The following RAP1GDS1 variants were observed in gnomAD, a reference collection of about 807,000 sequenced individuals.
RAP1GDS1 encodes the protein Rap1 GTPase-GDP dissociation stimulator 1, also known as RAP1, GTP-GDP dissociation stimulator 1.
In RAP1GDS1, 35 loss-of-function variants were observed where a neutral mutation model predicts 71.1. The ratio of observed to expected loss-of-function variants is 0.49; its 90% confidence interval spans 0.38 to 0.65. The LOEUF is 0.65. Among genes scored for constraint, RAP1GDS1 ranks in the 30% least tolerant of loss-of-function variants. The pLI is 0.00. For synonymous variants in RAP1GDS1, 229 were observed against 243.1 expected (o/e 0.94, Z 0.54); for missense variants, 663 against 706.1 (o/e 0.94, Z 0.69).
intron 12 of RAP1GDS1, among the ~76,000 whole-genome samples, chr4:98,429,858 A>G (rs569342442): frequency 6.6e-6 from 1 of 152,108 alleles, no homozygotes; most frequent in Admixed American, 6.6e-5. Context: ...TGTAGTAGTA[A>G]GGCTCGTGGA....
intron 3 of RAP1GDS1, among the ~76,000 whole-genome samples, chr4:98,348,297 A>T (rs1168165763): frequency 6.6e-6 from 1 of 152,100 alleles, no homozygotes; most frequent in Non-Finnish European, 1.5e-5. Flanking sequence ...ACATGAACTC[A>T]TTCGTTTTTT....
rs777696973 is a variant in RAP1GDS1 at position 98,418,732 on chromosome 4, A to G, written c.1115A>G (p.Asp372Gly). Residue 372 changes from aspartate to glycine, a missense_variant, in exon 10 of 15, where the codon GAT becomes GGT. Coordinates refer to ENST00000408927, the MANE Select transcript of RAP1GDS1 (RefSeq NM_001100427.2). ...GATTTACTGGACAGACATGTAGAAG[A>G]TGGAAATGTAACAGTACAGCATGCA... is the stretch of plus-strand genomic sequence containing the variant. The part of the protein sequence containing the change: ...LMDLLDRHVE[D>G]GNVTVQHAAL... 6.9e-5 allele frequency: 112 copies of G among 1,613,002 alleles called. No homozygotes were observed. The highest frequency in any genetic ancestry group is 9.5e-5 in the Non-Finnish European group (112 of 1,179,592).
intron 2 of RAP1GDS1, among the ~76,000 whole-genome samples, chr4:98,319,751 A>T (rs538104816): frequency 8.1e-5 from 12 of 147,916 alleles, no homozygotes; most frequent in Admixed American, 2.1e-4. Context: ...ACTGCCCTCC[A>T]GCCTGGGCAA....
chr4:98,276,484 CT>C (rs755154216), intron 1 of RAP1GDS1, among the ~76,000 whole-genome samples: 2,061 of 141,524 alleles, frequency 0.015, 24 homozygotes, highest in African/African-American at 0.042. Context: ...TTTACATACC[CT>C]TTTTTTTTTT....
At chr4:98,341,393 T>C (rs1048385605) in intron 2 of RAP1GDS1, among the ~76,000 whole-genome samples, 1 of 152,264 alleles carries the variant, frequency 6.6e-6, no homozygotes, top group Non-Finnish European at 1.5e-5. Context: ...AGCATTGTTT[T>C]GTTTTGTTTT....
At chr4:98,319,830 C>G (rs1302334268) in intron 2 of RAP1GDS1, among the ~76,000 whole-genome samples, 1 of 151,046 alleles carries the variant, frequency 6.6e-6, no homozygotes, top group Non-Finnish European at 1.5e-5. Context: ...CTACACAGGT[C>G]CTCTTATAAG....
At chr4:98,365,500 A>G (rs1168363962) in intron 4 of RAP1GDS1, among the ~76,000 whole-genome samples, 3 of 151,572 alleles carry the variant, frequency 2.0e-5, no homozygotes, top group African/African-American at 7.3e-5. Context: ...GCATGCACCT[A>G]TAGACCCTGC....
rs557195300 is a variant in RAP1GDS1, at chr4:98,382,910, C to T, written c.508+3747C>T. Among the ~76,000 whole-genome samples the T allele has an allele frequency of 2.0e-5, 3 of 151,706 alleles. No individual in the cohort carries two copies. In the South Asian group the frequency reaches 6.2e-4, roughly 31 times the overall value. On this transcript the variant is annotated intron_variant, in intron 5 of 14. Transcript: ENST00000408927. ...GATACATGGTGGCAGCAGTAAGGGG[C>T]ATTGAAAACACACTGGTAGTAACAA...
chr4:98,287,746 T>C (rs909281986), intron 1 of RAP1GDS1, among the ~76,000 whole-genome samples: 1 of 152,140 alleles, frequency 6.6e-6, no homozygotes, highest in Non-Finnish European at 1.5e-5. Flanking sequence ...CTTTGAAATA[T>C]TGCACACATG....
chr4:98,440,991 C>A (rs904282587), intron 14 of RAP1GDS1, among the ~76,000 whole-genome samples: 10 of 152,176 alleles, frequency 6.6e-5, no homozygotes, highest in African/African-American at 1.9e-4. Flanking sequence ...CCACGCCTGG[C>A]CCAAGTTGTA....
chr4:98,339,022 T>C (rs934127689), intron 2 of RAP1GDS1, among the ~76,000 whole-genome samples: 3 of 152,218 alleles, frequency 2.0e-5, no homozygotes, highest in Non-Finnish European at 4.4e-5. Context: ...ACTCCCTCCT[T>C]TGTAATACTT....
chr4:98,434,745 T>G lies in RAP1GDS1; in HGVS notation c.1567+683T>G, dbSNP rs149311086. 9.0e-3 allele frequency among the ~76,000 whole-genome samples: 1,370 copies of G among 151,730 alleles called. 10 individuals are homozygous for G. Among genetic ancestry groups the G allele is most frequent in the Non-Finnish European group, 0.014 (961 of 67,910 alleles). ...AAGCAATTCTCGTGCCTCAGCCTCC[T>G]GAGTAGCTGGGATTACAGGTGCATG... On this transcript the variant is annotated intron_variant, in intron 13 of 14. Transcript: ENST00000408927.
chr4:98,341,795 G>A (rs1174939114), intron 2 of RAP1GDS1, among the ~76,000 whole-genome samples: 1 of 152,050 alleles, frequency 6.6e-6, no homozygotes, highest in Non-Finnish European at 1.5e-5. Context: ...ATAAACTGGA[G>A]TGTTATCATT....
At chr4:98,388,741 T>A (rs1285944689) in intron 5 of RAP1GDS1, among the ~76,000 whole-genome samples, 2 of 152,098 alleles carry the variant, frequency 1.3e-5, no homozygotes, top group African/African-American at 2.4e-5. Context: ...TTTTTTTTTT[T>A]AAAATTAGGT....
intron 1 of RAP1GDS1, among the ~76,000 whole-genome samples, chr4:98,286,900 A>G (rs1386858987): frequency 2.0e-5 from 3 of 151,622 alleles, no homozygotes; most frequent in African/African-American, 7.2e-5. Context: ...AAAAAAAAAA[A>G]AAAAAAAAAA....
chr4:98,441,023 C>T (rs1417795429), intron 14 of RAP1GDS1, among the ~76,000 whole-genome samples: 1 of 152,234 alleles, frequency 6.6e-6, no homozygotes, highest in Admixed American at 6.5e-5. Flanking sequence ...CAGTACCCCA[C>T]TATCTTGATT....
At chr4:98,352,712 C>A (rs1737394410) in intron 4 of RAP1GDS1, 111 bp downstream of exon 4, 2 of 1,187,854 alleles carry the variant, frequency 1.7e-6, no homozygotes, top group Non-Finnish European at 2.4e-6. Flanking sequence ...CTAACATGGG[C>A]CGGCATGATT....
chr4:98,276,540 G>A, intron 1 of RAP1GDS1, among the ~76,000 whole-genome samples: 1 of 150,876 alleles, frequency 6.6e-6, no homozygotes, highest in East Asian at 1.9e-4. Flanking sequence ...CATGAAGATG[G>A]CTTTCTCTTA....
chr4:98,317,347 AC>A (rs1731086851), intron 2 of RAP1GDS1, among the ~76,000 whole-genome samples: 1 of 152,112 alleles, frequency 6.6e-6, no homozygotes, highest in South Asian at 2.1e-4. Context: ...CAATCTGAAA[AC>A]CTTTCCGCAC....
Sources: allele counts gnomAD v4.1 joint callset (sites outside exome capture counted in the v4.1 genomes callset), GRCh38; gene constraint gnomAD v4.1.1; transcripts MANE v1.5; gene names NCBI Gene and HGNC (gene_info 2026-07-23, HGNC 2026-07-21).